CDH4: variants seen among roughly 807,000 people sequenced by gnomAD.
CDH4 encodes cadherin-4.
CDH4 carries 33 observed loss-of-function variants against 86.0 expected under a neutral mutation model. The ratio of observed to expected loss-of-function variants is 0.38; its 90% CI spans 0.29 to 0.51. The LOEUF (loss-of-function observed/expected upper bound fraction) is 0.51, where lower values mean the gene tolerates loss of function less well. Among genes scored for constraint, CDH4 ranks in the 20% least tolerant of loss-of-function variants. The pLI is 0.86. For missense variants in CDH4, 1,114 were observed against 1,307.4 expected (o/e 0.85, Z 2.28); for synonymous variants, 555 against 549.4 (o/e 1.01, Z -0.14).
At chr20:61,737,049 G>A (rs2145933576) in intron 2 of CDH4, among the ~76,000 whole-genome samples, 1 of 152,272 alleles carries the variant, frequency 6.6e-6, no homozygotes, top group Admixed American at 6.5e-5. Context: ...TCTCTGGTGT[G>A]CAGCCCTTCC....
intron 2 of CDH4, among the ~76,000 whole-genome samples, chr20:61,304,876 G>A (rs1033542496): frequency 5.5e-5 from 8 of 146,446 alleles, no homozygotes; most frequent in African/African-American, 1.5e-4. Flanking sequence ...GTGTGTGTTC[G>A]GTGCGTGTGT....
rs1359311583 is a variant in CDH4 at position 61,271,336 on chromosome 20, A to T, written c.169+16399A>T. 4.6e-5 allele frequency among the ~76,000 whole-genome samples: 7 copies of T among 152,334 alleles called. No individual in the cohort carries two copies. The East Asian group carries it at 7.7e-4, about 17-fold the overall frequency. The stretch of plus-strand genomic sequence containing the variant: ...CCGAAATAATTGCTGATCGTGAGTT[A>T]ATTTCCCAGTGCCCTTTGGGGCTGG... On this transcript the variant is annotated intron_variant, in intron 2 of 15. Transcript: ENST00000614565.
At chr20:61,331,592 ACCTCCTGCCCCGGCCACCTGCCCCAGG>A (rs2084574556) in intron 2 of CDH4, among the ~76,000 whole-genome samples, 1 of 151,668 alleles carries the variant, frequency 6.6e-6, no homozygotes. Context: ...CCCCAGGCCC[ACCTCCTGCCCCGGCCACCTGCCCCAGG>A]CCCACCTCCT....
chr20:61,620,995 A>T (rs925537028), intron 2 of CDH4, among the ~76,000 whole-genome samples: 1 of 152,218 alleles, frequency 6.6e-6, no homozygotes, highest in Non-Finnish European at 1.5e-5. Context: ...GCTCTCGATC[A>T]TGTCTGCAGG....
intron 7 of CDH4, among the ~76,000 whole-genome samples, chr20:61,880,392 ATAT>A (rs1984224929): frequency 6.6e-6 from 1 of 152,168 alleles, no homozygotes; most frequent in Non-Finnish European, 1.5e-5. Flanking sequence ...AGAAAAAAAA[ATAT>A]TAGCAATTGA....
intron 2 of CDH4, among the ~76,000 whole-genome samples, chr20:61,317,194 C>T (rs377681805): frequency 1.3e-4 from 20 of 152,146 alleles, no homozygotes; most frequent in East Asian, 1.2e-3. Context: ...CTGGCTAACA[C>T]GGTGAAACCC....
At chr20:61,385,866 C>T (rs2084948326) in intron 2 of CDH4, among the ~76,000 whole-genome samples, 1 of 152,224 alleles carries the variant, frequency 6.6e-6, no homozygotes, top group African/African-American at 2.4e-5. Flanking sequence ...CTCCTGTTCA[C>T]CTTGATCTCT....
intron 2 of CDH4, among the ~76,000 whole-genome samples, chr20:61,463,333 G>A (rs917446076): frequency 1.3e-5 from 2 of 152,326 alleles, no homozygotes; most frequent in African/African-American, 4.8e-5. Flanking sequence ...CAGCAACAAA[G>A]GAAGAAAATC....
chr20:61,900,643 G>A (rs1985353010), intron 8 of CDH4, among the ~76,000 whole-genome samples: 1 of 152,198 alleles, frequency 6.6e-6, no homozygotes, highest in Non-Finnish European at 1.5e-5. Context: ...TCAGCCTGGG[G>A]GTCAAGACTT....
At chr20:61,777,435 G>A (rs59691253) in intron 4 of CDH4, among the ~76,000 whole-genome samples, 3,911 of 152,314 alleles carry the variant, frequency 0.026, 163 homozygotes, top group African/African-American at 0.088. Flanking sequence ...ATCCCCTTCA[G>A]CTTCCATCCA....
At chr20:61,363,215 C>T (rs183109317) in intron 2 of CDH4, among the ~76,000 whole-genome samples, 2 of 152,190 alleles carry the variant, frequency 1.3e-5, no homozygotes, top group African/African-American at 2.4e-5. Context: ...TTCTCATCCT[C>T]CCATCCGTTT....
Position 61,773,066 on chromosome 20 carries a change from C to G in CDH4, c.460C>G (p.Pro154Ala). ...PSPPPKDTLL[P>A]WPQHQNANGL... ...TCCGCCTCCGAAGGACACCCTGCTGCCGTGGCCCCAGCACCAGAACGCCAA... is the reference window on the plus strand; with the variant it reads ...TCCGCCTCCGAAGGACACCCTGCTGGCGTGGCCCCAGCACCAGAACGCCAA... The change falls in exon 4 of 16, where the codon CCG becomes GCG. Residue 154 changes from proline (P) to alanine (A), a missense_variant. Physicochemically the swap from Pro to Ala is conservative, Grantham distance 27. Coordinates refer to ENST00000614565, the MANE Select transcript of CDH4 (RefSeq NM_001794.5). The G allele has an allele frequency of 6.2e-7, 1 of 1,613,844 alleles. No individual in the cohort carries two copies. The highest frequency in any genetic ancestry group is 8.5e-7 in the Non-Finnish European group (1 of 1,179,954).
At chr20:61,430,747 C>T (rs1279878222) in intron 2 of CDH4, among the ~76,000 whole-genome samples, 4 of 152,202 alleles carry the variant, frequency 2.6e-5, no homozygotes, top group Non-Finnish European at 5.9e-5. Flanking sequence ...ATTACACCTT[C>T]ACATTAACCG....
intron 2 of CDH4, among the ~76,000 whole-genome samples, chr20:61,739,317 C>T (rs939916577): frequency 2.6e-5 from 4 of 152,148 alleles, no homozygotes; most frequent in African/African-American, 9.7e-5. Context: ...ATGGGAGCCC[C>T]GGACCAGCCT....
Position 61,924,321 on chromosome 20 carries a change from GT to G in CDH4, c.1629-12del, listed in dbSNP as rs200631383. On this transcript the variant is annotated splice_polypyrimidine_tract_variant and intron_variant, in intron 10 of 15. Coordinates refer to ENST00000614565, the MANE Select transcript of CDH4 (RefSeq NM_001794.5). ...CCCAGCCTTACCTCCCCCTGCACTT[GT>G]GGTCTCCGCAGATACTCAAAGCTGT... is the stretch of plus-strand genomic sequence containing the variant. The G allele has an allele frequency of 1.9e-3, 2,930 of 1,575,708 alleles. 56 individuals carry two copies. In the African/African-American group the frequency reaches 0.035, roughly 19 times the overall value.
In CDH4 at chr20:61,647,556, T is replaced by TCTCTCTCTCTCTCTCTCC. The variant is rs1568731977; in HGVS notation, c.170-96006_170-96005insTCTCTCTCTCTCTCTCCC. ...CTCCCTCTCCCTCTCCCTCTCCCTC[T>TCTCTCTCTCTCTCTCTCC]CCCTCTCCCTCTCCCTCCCTCCCCC... On this transcript the variant is annotated intron_variant, in intron 2 of 15. Transcript: ENST00000614565. Among the ~76,000 whole-genome samples the TCTCTCTCTCTCTCTCTCC allele has an allele frequency of 6.9e-4, 73 of 105,866 alleles. 6 individuals carry two copies. Among genetic ancestry groups the TCTCTCTCTCTCTCTCTCC allele is most frequent in the African/African-American group, 2.5e-3 (72 of 28,718 alleles). 69.5% of individuals were successfully genotyped at this position (105,866 alleles called of 152,430 possible).
intron 2 of CDH4, among the ~76,000 whole-genome samples, chr20:61,385,898 G>A (rs910646640): frequency 2.0e-5 from 3 of 152,194 alleles, no homozygotes; most frequent in African/African-American, 7.2e-5. Flanking sequence ...TTGCTATGTA[G>A]ATTGCAGCTG....
intron 2 of CDH4, among the ~76,000 whole-genome samples, chr20:61,349,222 C>T (rs980970293): frequency 1.3e-5 from 2 of 152,198 alleles, no homozygotes; most frequent in Admixed American, 6.5e-5. Context: ...GGGGACCCTG[C>T]AGGGCCACAT....
At chr20:61,373,178 G>A (rs546071309) in intron 2 of CDH4, among the ~76,000 whole-genome samples, 2 of 152,072 alleles carry the variant, frequency 1.3e-5, no homozygotes, top group Non-Finnish European at 2.9e-5. Context: ...TCCCGCCCCC[G>A]TCTCAACACC....
Sources: allele counts gnomAD v4.1 joint callset (sites outside exome capture counted in the v4.1 genomes callset), GRCh38; gene constraint gnomAD v4.1.1; transcripts MANE v1.5; gene names NCBI Gene and HGNC (gene_info 2026-07-23, HGNC 2026-07-21).